PPEF2: variants seen among roughly 807,000 people sequenced by gnomAD.
PPEF2 encodes the protein protein phosphatase with EF-hand domain 2.
Under a neutral mutation model 84.7 loss-of-function variants are expected in PPEF2, and 84 were observed. The ratio of observed to expected loss-of-function variants is 0.99; its 90% CI spans 0.83 to 1.19. The LOEUF is 1.19. Ranked by LOEUF, PPEF2 falls within the 50% of genes most tolerant of loss-of-function variation. PPEF2 has a pLI of 0.00. For missense variants in PPEF2, 924 were observed against 937.5 expected, an observed-to-expected ratio of 0.99 and a Z score of 0.19; for synonymous variants, 346 against 345.2, an observed-to-expected ratio of 1.00 and a Z score of -0.03.
intron 10 of PPEF2, among the ~76,000 whole-genome samples, chr4:75,877,038 G>GAAAGAAAGAAAGAAAGAAAGA (rs1724442575): frequency 7.1e-6 from 1 of 140,210 alleles, no homozygotes; most frequent in Non-Finnish European, 1.5e-5. Context: ...AAGAAAGAAA[G>GAAAGAAAGAAAGAAAGAAAGA]AAAAGAAACA....
rs550855642 is a variant in PPEF2 at position 75,901,684 on chromosome 4, T to C, written c.-59+546A>G. On this transcript the variant is annotated intron_variant, in intron 1 of 16. Coordinates refer to ENST00000286719, the MANE Select transcript of PPEF2 (RefSeq NM_006239.3). ...GTAATCACCAGCTGTCTTCTCCCCCTGATGATTTCCCAAGCTGAGCCATCT... is the reference window on the plus strand; with the variant it reads ...GTAATCACCAGCTGTCTTCTCCCCCCGATGATTTCCCAAGCTGAGCCATCT... 3.9e-5 allele frequency among the ~76,000 whole-genome samples: 6 copies of C among 152,354 alleles called. No individual in the cohort carries two copies. The East Asian group carries it at 1.2e-3, about 29-fold the overall frequency.
Position 75,890,032 on chromosome 4 carries a change from G to A in PPEF2, c.342C>T (p.Tyr114=). The stretch of plus-strand genomic sequence containing the variant: ...GTGGGAAGGAGAGGCGTGGCCCCGT[G>A]TAACTGTCGGGTACCTCTATGGATT... ...DYESIEVPDS[Y]TGPRLSFPLL... Residue 114 remains tyrosine (Y), a synonymous_variant, in exon 5 of 17, where the codon TAC becomes TAT. Transcript: ENST00000286719. The A allele has an allele frequency of 6.2e-7, 1 of 1,614,128 alleles. No homozygotes were observed.
intron 1 of PPEF2, among the ~76,000 whole-genome samples, chr4:75,896,860 C>T (rs1725020530): frequency 1.5e-5 from 1 of 65,396 alleles, no homozygotes; most frequent in East Asian, 6.1e-3. Context: ...CCATCTGTCT[C>T]CATAGGCCAC....
intron 1 of PPEF2, 37 bp from the exon 2 acceptor site, chr4:75,896,420 C>T (rs1479507444): frequency 1.6e-5 from 22 of 1,375,808 alleles, no homozygotes; most frequent in Non-Finnish European, 2.1e-5. Flanking sequence ...ATAGGAGATG[C>T]AGGCAGAGTA....
chr4:75,871,927 C>G, intron 13 of PPEF2, 98 bp downstream of exon 13: 1 of 1,318,412 alleles, frequency 7.6e-7, no homozygotes, highest in East Asian at 2.3e-5. Flanking sequence ...TGAATTCTCA[C>G]GTAGAATTTG....
intron 2 of PPEF2, among the ~76,000 whole-genome samples, chr4:75,893,753 G>A (rs1032902816): frequency 3.3e-5 from 5 of 152,172 alleles, no homozygotes; most frequent in Admixed American, 2.0e-4. Context: ...CTAACACCTT[G>A]CCCTGAGCAT....
Position 75,891,851 on chromosome 4 carries a change from C to A in PPEF2, c.183G>T (p.Lys61Asn), listed in dbSNP as rs777911608. 6.2e-7 allele frequency: 1 copy of A among 1,611,412 alleles called. No individual in the cohort carries two copies. Among genetic ancestry groups the A allele is most frequent in the Admixed American group, 1.7e-5 (1 of 59,956 alleles). ...IEYAGQQDQVKLHDFFSYLMD... is the reference protein window; with the variant it reads ...IEYAGQQDQVNLHDFFSYLMD... Reference sequence around the variant, plus strand: ...GGCTCCGTCCCACATCTCATTGTACCTTGACTTGGTCTTGCTGCCCAGCAT... The same window carrying A: ...GGCTCCGTCCCACATCTCATTGTACATTGACTTGGTCTTGCTGCCCAGCAT... Residue 61 changes from lysine (K) to asparagine (N), a missense_variant and splice_region_variant, in exon 3 of 17, where the codon AAG (lysine) becomes AAT (asparagine). Coordinates refer to ENST00000286719, the MANE Select transcript of PPEF2 (RefSeq NM_006239.3).
At chr4:75,895,743 A>T (rs568450115) in intron 2 of PPEF2, among the ~76,000 whole-genome samples, 26 of 150,042 alleles carry the variant, frequency 1.7e-4, no homozygotes, top group South Asian at 2.1e-4. Flanking sequence ...AAAAAAAAAA[A>T]TTTTTTTTTT....
Position 75,860,640 on chromosome 4 carries a change from C to T in PPEF2, c.*27G>A, listed in dbSNP as rs551811598. 3.5e-5 allele frequency: 57 copies of T among 1,611,338 alleles called. No homozygotes were observed. The highest frequency in any genetic ancestry group is 4.6e-5 in the Non-Finnish European group (54 of 1,178,478). Reference sequence around the variant, plus strand: ...GAAGCTGAGCATTGCCTATGAGGCACTTTGGGTGATGAAGACCAGGCTGTT... The same window carrying T: ...GAAGCTGAGCATTGCCTATGAGGCATTTTGGGTGATGAAGACCAGGCTGTT... On this transcript the variant is annotated 3_prime_UTR_variant, in exon 17 of 17. Coordinates refer to ENST00000286719, the MANE Select transcript of PPEF2 (RefSeq NM_006239.3).
At chr4:75,882,879 G>A (rs1167272791) in intron 10 of PPEF2, 47 bp downstream of exon 10, 1 of 1,573,994 alleles carries the variant, frequency 6.4e-7, no homozygotes, top group African/African-American at 1.4e-5. Flanking sequence ...TATTGGCAAT[G>A]AAACTGGGCA....
intron 13 of PPEF2, among the ~76,000 whole-genome samples, chr4:75,871,729 C>T (rs1237950503): frequency 6.6e-6 from 1 of 152,138 alleles, no homozygotes; most frequent in African/African-American, 2.4e-5. Context: ...CCTTAGTCTG[C>T]CAGACTGCTG....
chr4:75,883,888 G>A (rs1409999506), intron 8 of PPEF2, among the ~76,000 whole-genome samples: 4 of 150,694 alleles, frequency 2.7e-5, no homozygotes, highest in African/African-American at 9.8e-5. Flanking sequence ...CCAGCACTTC[G>A]GGAGGCTGGG....
chr4:75,867,434 G>T lies in PPEF2; in HGVS notation c.1650-15C>A. ...CTCTGCTAATCCTGGGACAGGAGATGAAAAGCGACATTTTAACACACTGGT... is the reference window on the plus strand; with the variant it reads ...CTCTGCTAATCCTGGGACAGGAGATTAAAAGCGACATTTTAACACACTGGT... On this transcript the variant is annotated splice_polypyrimidine_tract_variant and intron_variant, in intron 13 of 16. Coordinates refer to ENST00000286719, the MANE Select transcript of PPEF2 (RefSeq NM_006239.3). 6.4e-7 allele frequency: 1 copy of T among 1,565,804 alleles called. No individual in the cohort carries two copies. Among genetic ancestry groups the T allele is most frequent in the South Asian group, 1.1e-5 (1 of 89,170 alleles).
At chr4:75,868,453 T>A (rs6531993) in intron 13 of PPEF2, among the ~76,000 whole-genome samples, 1 of 152,278 alleles carries the variant, frequency 6.6e-6, no homozygotes, top group Admixed American at 6.5e-5. Flanking sequence ...TTAAAAAAAA[T>A]TAAATCATGT....
At position 75,859,900 on chromosome 4, in the gene PPEF2, T is replaced by TA. The variant is rs1368801589; in HGVS notation, c.*766dup. The TA allele has an allele frequency of 6.6e-6, 1 of 152,156 alleles. No individual in the cohort carries two copies. The highest frequency in any genetic ancestry group is 1.5e-5 in the Non-Finnish European group (1 of 68,040). The allele number at this position is 152,156 out of a possible 1,614,324, so 9.4% of individuals were successfully genotyped here. ...ACAATTAGATATTAATTTATTTTTT[T>TA]AAAAGTAGAACATAAAATTATATAA... is the stretch of plus-strand genomic sequence containing the variant. On this transcript the variant is annotated 3_prime_UTR_variant, in exon 17 of 17. Transcript: ENST00000286719.
At chr4:75,883,817 C>CAAAAAAAAAAAA in intron 8 of PPEF2, among the ~76,000 whole-genome samples, 1 of 60,702 alleles carries the variant, frequency 1.6e-5, no homozygotes, top group South Asian at 9.4e-4. Context: ...GACTCCGTCA[C>CAAAAAAAAAAAA]AAAAAAAAAA....
At chr4:75,899,623 C>T (rs562525743) in intron 1 of PPEF2, among the ~76,000 whole-genome samples, 3 of 152,262 alleles carry the variant, frequency 2.0e-5, no homozygotes, top group African/African-American at 7.2e-5. Flanking sequence ...AAATTAAAGT[C>T]TTACCTTGCT....
chr4:75,890,691 G>C (rs1008390362), intron 4 of PPEF2, among the ~76,000 whole-genome samples: 3 of 151,998 alleles, frequency 2.0e-5, no homozygotes, highest in Non-Finnish European at 4.4e-5. Flanking sequence ...AGAAATTTAG[G>C]GACCTGGATT....
intron 16 of PPEF2, among the ~76,000 whole-genome samples, chr4:75,861,966 A>G (rs67158160): frequency 0.99 from 149,899 of 151,112 alleles, 74,361 homozygotes; most frequent in Middle Eastern, 1. Flanking sequence ...AACAACAAAA[A>G]AAAAAATAAA....
Sources: gnomAD v4.1 joint callset for allele counts (sites outside exome capture counted in the v4.1 genomes callset) on GRCh38, gnomAD v4.1.1 for gene constraint, MANE v1.5 for transcripts, NCBI Gene and HGNC (gene_info 2026-07-23, HGNC 2026-07-21) for gene names.